RASSF6: variants seen among roughly 807,000 people sequenced by gnomAD.
RASSF6 encodes the protein Ras association domain family member 6.
RASSF6 carries 52 observed loss-of-function variants against 44.0 expected under a neutral mutation model. That is an observed-to-expected ratio of 1.18 (90% CI 0.95 to 1.49). The LOEUF is 1.49. RASSF6 is among the 40% of genes most tolerant of loss of function. The probability of loss-of-function intolerance (pLI) is 0.00; values close to 1 mark genes in which losing one functional copy is unlikely to be tolerated. For synonymous variants in RASSF6, 162 were observed against 124.6 expected (o/e 1.30, Z -2.00); for missense variants, 464 against 393.3 (o/e 1.18, Z -1.52).
Position 73,576,327 on chromosome 4 carries a change from G to T in RASSF6, c.939-17C>A. On this transcript the variant is annotated splice_polypyrimidine_tract_variant and intron_variant, in intron 10 of 10. Coordinates refer to ENST00000307439, the MANE Select transcript of RASSF6 (RefSeq NM_177532.5). ...TTATTGAATCTGAAAATGAGAAGAA[G>T]AAAGACTATTAAAAATTGGACATAT... The T allele has an allele frequency of 6.6e-7, 1 of 1,514,828 alleles. No homozygotes were observed. Among genetic ancestry groups the T allele is most frequent in the Non-Finnish European group, 9.1e-7 (1 of 1,098,424 alleles). The allele number at this position is 1,514,828 out of a possible 1,614,324, so 93.8% of individuals were successfully genotyped here. A position where few individuals can be genotyped will look rare whatever the true frequency, so the allele number is the denominator to read the frequency against.
intron 1 of RASSF6, among the ~76,000 whole-genome samples, chr4:73,613,583 T>C (rs1024612389): frequency 2.0e-5 from 3 of 152,264 alleles, no homozygotes; most frequent in Non-Finnish European, 4.4e-5. Context: ...TATCATATAT[T>C]CCTTTAATTT....
At chr4:73,582,115 G>A in intron 7 of RASSF6, 74 bp downstream of exon 7, 1 of 769,576 alleles carries the variant, frequency 1.3e-6, no homozygotes. Flanking sequence ...ATCTGTTTCA[G>A]AAGAGTGGAT....
At chr4:73,577,060 C>T (rs1723283175) in intron 8 of RASSF6, among the ~76,000 whole-genome samples, 1 of 152,136 alleles carries the variant, frequency 6.6e-6, no homozygotes. Flanking sequence ...TTCATCCATA[C>T]AACAAATATT....
chr4:73,601,775 A>G (rs1449882358), intron 2 of RASSF6, among the ~76,000 whole-genome samples: 1 of 152,270 alleles, frequency 6.6e-6, no homozygotes, highest in Non-Finnish European at 1.5e-5. Flanking sequence ...CCTTGAAAAT[A>G]CAATGTATGT....
intron 2 of RASSF6, among the ~76,000 whole-genome samples, chr4:73,600,704 C>G (rs1244538806): frequency 4.0e-5 from 5 of 124,274 alleles, no homozygotes; most frequent in Admixed American, 2.7e-4. Context: ...TTCCAAGGAT[C>G]AATACACTTC....
At chr4:73,617,311 G>A (rs965765053) in intron 1 of RASSF6, among the ~76,000 whole-genome samples, 5 of 152,202 alleles carry the variant, frequency 3.3e-5, no homozygotes, top group Non-Finnish European at 7.4e-5. Flanking sequence ...CTAATGCCAT[G>A]CATTTTATTC....
At chr4:73,592,229 G>T (rs1024120747) in intron 4 of RASSF6, among the ~76,000 whole-genome samples, 2 of 152,160 alleles carry the variant, frequency 1.3e-5, no homozygotes, top group Non-Finnish European at 2.9e-5. Context: ...TCATAGTCGG[G>T]CTTAAATATT....
Position 73,598,658 on chromosome 4 carries a change from C to G in RASSF6, c.126G>C (p.Leu42=). ...GGCTTACCTCTCCATATAAAATATG[C>G]AGATTTTTCTGGTTCTCATAAAAAA... The part of the protein sequence containing the change: ...YNIFYENQKN[L]HILYGETEDG... Residue 42 remains leucine (L), a synonymous_variant, in exon 3 of 11, where the codon CTG becomes CTC. Transcript: ENST00000307439. 1 of 1,533,212 alleles carries G rather than the reference C, an allele frequency of 6.5e-7. No individual in the cohort carries two copies. Among genetic ancestry groups the G allele is most frequent in the South Asian group, 1.2e-5 (1 of 83,410 alleles). The allele number at this position is 1,533,212 out of a possible 1,614,324, so 95.0% of individuals were successfully genotyped here. A position where few individuals can be genotyped will look rare whatever the true frequency, so the allele number is the denominator to read the frequency against.
intron 2 of RASSF6, among the ~76,000 whole-genome samples, chr4:73,610,814 T>C (rs1036380659): frequency 6.6e-5 from 10 of 152,198 alleles, no homozygotes; most frequent in Admixed American, 5.2e-4. Flanking sequence ...CTTTATGATG[T>C]AACTCCATGA....
chr4:73,586,248 T>C (rs993120859), intron 5 of RASSF6, among the ~76,000 whole-genome samples: 1 of 151,936 alleles, frequency 6.6e-6, no homozygotes, highest in Non-Finnish European at 1.5e-5. Context: ...CTTTTTCACT[T>C]AGTTGTCCAC....
At chr4:73,615,657 A>G (rs555763553) in intron 1 of RASSF6, among the ~76,000 whole-genome samples, 1 of 152,238 alleles carries the variant, frequency 6.6e-6, no homozygotes, top group South Asian at 2.1e-4. Context: ...CATTTTGTCC[A>G]GAAACAATGA....
intron 8 of RASSF6, among the ~76,000 whole-genome samples, chr4:73,578,535 T>C (rs1031059514): frequency 6.6e-6 from 1 of 152,176 alleles, no homozygotes; most frequent in South Asian, 2.1e-4. Flanking sequence ...ATACTCTGCA[T>C]TACCCTTTGA....
At chr4:73,606,202 G>A (rs1163781186) in intron 2 of RASSF6, among the ~76,000 whole-genome samples, 5 of 152,142 alleles carry the variant, frequency 3.3e-5, no homozygotes, top group Non-Finnish European at 5.9e-5. Context: ...AAAACAATGT[G>A]GTACATAGAC....
At chr4:73,585,067 G>A (rs185723789) in intron 6 of RASSF6, 113 bp downstream of exon 6, 2 of 680,548 alleles carry the variant, frequency 2.9e-6, no homozygotes, top group Admixed American at 3.0e-5. Context: ...CAAGATGTTA[G>A]ACATGCTACT....
At chr4:73,578,205 T>C (rs2149362550) in intron 8 of RASSF6, among the ~76,000 whole-genome samples, 1 of 152,306 alleles carries the variant, frequency 6.6e-6, no homozygotes. Flanking sequence ...CAGCACCTTG[T>C]GTGGAGCCCA....
chr4:73,601,611 G>A (rs1383170993), intron 2 of RASSF6, among the ~76,000 whole-genome samples: 1 of 152,164 alleles, frequency 6.6e-6, no homozygotes, highest in African/African-American at 2.4e-5. Flanking sequence ...TACAAAGCAA[G>A]GAATTAGAAA....
chr4:73,599,026 T>G (rs1414113670), intron 2 of RASSF6, among the ~76,000 whole-genome samples: 1 of 152,204 alleles, frequency 6.6e-6, no homozygotes, highest in Admixed American at 6.5e-5. Context: ...TTCCTTTTTG[T>G]ATTTCAACAT....
intron 3 of RASSF6, among the ~76,000 whole-genome samples, chr4:73,594,058 A>T (rs1724761938): frequency 6.6e-6 from 1 of 152,250 alleles, no homozygotes; most frequent in South Asian, 2.1e-4. Flanking sequence ...GTAAAATAAC[A>T]CGTGTGAAAA....
At chr4:73,612,492 TTTTAAAA>T (rs55793643) in intron 1 of RASSF6, among the ~76,000 whole-genome samples, 12,110 of 36,968 alleles carry the variant, frequency 0.33, 951 homozygotes, top group East Asian at 0.55. Flanking sequence ...TTTTTTTTTT[TTTTAAAA>T]AAAAAAACGT....
Sources: gnomAD v4.1 joint callset for allele counts (sites outside exome capture counted in the v4.1 genomes callset) on GRCh38, gnomAD v4.1.1 for gene constraint, MANE v1.5 for transcripts, NCBI Gene and HGNC (gene_info 2026-07-23, HGNC 2026-07-21) for gene names.